Variants in ADAMTSL1 observed in about 807,000 individuals in gnomAD.
ADAMTSL1 encodes the protein ADAMTS like 1.
A neutral mutation model predicts 201.8 loss-of-function variants in ADAMTSL1; 126 were observed. That is an observed-to-expected ratio of 0.62 (90% confidence interval 0.54 to 0.72). The LOEUF is 0.72. Ranked by LOEUF, ADAMTSL1 falls within the 30% of genes least tolerant of loss-of-function variation. The pLI, the probability that ADAMTSL1 is intolerant of heterozygous loss-of-function variation, is 0.00. For synonymous variants in ADAMTSL1, 1,121 were observed against 903.4 expected (o/e 1.24, Z -4.32); for missense variants, 2,679 against 2,277.8 (o/e 1.18, Z -3.59).
intron 2 of ADAMTSL1, among the ~76,000 whole-genome samples, chr9:18,462,726 G>A (rs1820854035): frequency 1.3e-5 from 2 of 151,964 alleles, no homozygotes; most frequent in African/African-American, 4.8e-5. Context: ...ATTACCTGAG[G>A]TCAGGAGTTT....
chr9:18,297,593 T>C (rs192909353), intron 2 of ADAMTSL1, among the ~76,000 whole-genome samples: 13 of 152,324 alleles, frequency 8.5e-5, no homozygotes, highest in African/African-American at 2.9e-4. Flanking sequence ...TAAAAGGTCA[T>C]GTGCTTAATA....
At chr9:18,071,634 T>A (rs1822973424) in intron 1 of ADAMTSL1, among the ~76,000 whole-genome samples, 1 of 152,218 alleles carries the variant, frequency 6.6e-6, no homozygotes, top group Non-Finnish European at 1.5e-5. Flanking sequence ...CCCTCTGCTT[T>A]TATCCATGTA....
At chr9:18,515,873 T>A (rs1392929546) in intron 2 of ADAMTSL1, among the ~76,000 whole-genome samples, 1 of 152,186 alleles carries the variant, frequency 6.6e-6, no homozygotes, top group Non-Finnish European at 1.5e-5. Flanking sequence ...ATCCTTTTAT[T>A]AATTAAGCCT....
chr9:18,875,491 C>G (rs1225788196), intron 23 of ADAMTSL1, among the ~76,000 whole-genome samples: 1 of 152,042 alleles, frequency 6.6e-6, no homozygotes, highest in African/African-American at 2.4e-5. Context: ...TTAATTTCTA[C>G]CTTGATTTCA....
intron 2 of ADAMTSL1, among the ~76,000 whole-genome samples, chr9:18,443,909 C>T (rs940721202): frequency 6.6e-6 from 1 of 152,072 alleles, no homozygotes; most frequent in Non-Finnish European, 1.5e-5. Context: ...AGTAGTAAAC[C>T]ATTTTTTTAT....
intron 2 of ADAMTSL1, among the ~76,000 whole-genome samples, chr9:18,300,175 A>G (rs999010993): frequency 1.3e-5 from 2 of 152,214 alleles, no homozygotes; most frequent in Admixed American, 6.5e-5. Flanking sequence ...TGTTTATTGC[A>G]GCACTATTCA....
At chr9:18,210,389 G>T (rs13288009) in intron 2 of ADAMTSL1, among the ~76,000 whole-genome samples, 1 of 54,614 alleles carries the variant, frequency 1.8e-5, no homozygotes, top group South Asian at 6.2e-4. Flanking sequence ...ACACATATAC[G>T]CTAATATTAT....
chr9:18,717,962 C>T (rs146327417), intron 14 of ADAMTSL1: 28 of 1,509,768 alleles, frequency 1.9e-5, no homozygotes, highest in African/African-American at 4.1e-5. Flanking sequence ...AGCTGCAATG[C>T]ACTTAGTACA....
chr9:18,312,454 GGCT>G (rs879763770), intron 2 of ADAMTSL1, among the ~76,000 whole-genome samples: 1 of 152,212 alleles, frequency 6.6e-6, no homozygotes, highest in Non-Finnish European at 1.5e-5. Context: ...TACAGGAAAT[GGCT>G]GCTAAGTGGT....
intron 1 of ADAMTSL1, among the ~76,000 whole-genome samples, chr9:17,980,813 G>C (rs765978529): frequency 2.1e-4 from 32 of 152,158 alleles, no homozygotes; most frequent in Non-Finnish European, 4.0e-4. Context: ...AGTTCTGCAG[G>C]CTGTATAAGA....
At chr9:18,811,408 G>T (rs184829973) in intron 20 of ADAMTSL1, among the ~76,000 whole-genome samples, 5 of 152,162 alleles carry the variant, frequency 3.3e-5, no homozygotes, top group Admixed American at 6.5e-5. Flanking sequence ...GTGAGGACTT[G>T]TACCACCTGC....
chr9:18,811,690 C>T (rs1485932863), intron 20 of ADAMTSL1, among the ~76,000 whole-genome samples: 3 of 152,178 alleles, frequency 2.0e-5, no homozygotes, highest in African/African-American at 7.2e-5. Flanking sequence ...TCAATTGAAA[C>T]CTAGACATCA....
At chr9:18,751,602 G>C (rs1420668089) in intron 15 of ADAMTSL1, among the ~76,000 whole-genome samples, 1 of 152,180 alleles carries the variant, frequency 6.6e-6, no homozygotes, top group South Asian at 2.1e-4. Context: ...AAGGTGTTCT[G>C]ATGGACCCTG....
At chr9:18,226,446 T>C (rs899515812) in intron 2 of ADAMTSL1, among the ~76,000 whole-genome samples, 1 of 152,174 alleles carries the variant, frequency 6.6e-6, no homozygotes, top group African/African-American at 2.4e-5. Context: ...TAATTCTTCT[T>C]GTTATCCTCT....
intron 1 of ADAMTSL1, among the ~76,000 whole-genome samples, chr9:17,960,232 A>C (rs1284642739): frequency 6.6e-6 from 1 of 152,090 alleles, no homozygotes; most frequent in African/African-American, 2.4e-5. Flanking sequence ...GGAGGGCATG[A>C]CCCTCCCATG....
intron 1 of ADAMTSL1, among the ~76,000 whole-genome samples, chr9:18,023,733 T>C (rs1820575806): frequency 6.6e-6 from 1 of 152,172 alleles, no homozygotes; most frequent in Non-Finnish European, 1.5e-5. Context: ...TTTTTCTGTT[T>C]CTTCGTGTAA....
At chr9:18,852,516 A>G (rs530781402) in intron 23 of ADAMTSL1, among the ~76,000 whole-genome samples, 4 of 152,310 alleles carry the variant, frequency 2.6e-5, no homozygotes, top group East Asian at 3.9e-4. Flanking sequence ...CAGTAAACCT[A>G]TCTTCTCATT....
chr9:18,706,490 G>A (rs980643389), intron 13 of ADAMTSL1, among the ~76,000 whole-genome samples: 5 of 152,168 alleles, frequency 3.3e-5, no homozygotes, highest in African/African-American at 1.2e-4. Context: ...TGCAAAGTAG[G>A]GAGCAAGCAG....
At chr9:18,220,621 G>A (rs1287171720) in intron 2 of ADAMTSL1, among the ~76,000 whole-genome samples, 1 of 151,934 alleles carries the variant, frequency 6.6e-6, no homozygotes, top group African/African-American at 2.4e-5. Context: ...ATACTGGCAT[G>A]TTTTGATTTA....
Sources: allele counts gnomAD v4.1 joint callset (sites outside exome capture counted in the v4.1 genomes callset), GRCh38; gene constraint gnomAD v4.1.1; transcripts MANE v1.5; gene names NCBI Gene and HGNC (gene_info 2026-07-23, HGNC 2026-07-21).